The following MAP3K9 variants were observed in gnomAD, a reference collection of about 807,000 sequenced individuals.
The protein encoded by MAP3K9 is mixed lineage kinase 1 (tyr and ser/thr specificity).
Under a neutral mutation model 95.8 loss-of-function variants are expected in MAP3K9, and 46 were observed. The ratio of observed to expected loss-of-function variants is 0.48; its 90% CI spans 0.38 to 0.61. The LOEUF is 0.61. MAP3K9 is among the 20% of genes least tolerant of loss of function. MAP3K9 has a pLI of 0.00. For synonymous variants in MAP3K9, 533 were observed against 593.8 expected (o/e 0.90, Z 1.49); for missense variants, 1,296 against 1,474.3 (o/e 0.88, Z 1.98).
intron 9 of MAP3K9, 127 bp downstream of exon 9, chr14:70,735,834 A>G: frequency 2.6e-6 from 2 of 762,488 alleles, no homozygotes; most frequent in Admixed American, 2.1e-5. Context: ...ACAAAAACAA[A>G]AACAAAAAAG....
chr14:70,729,668 C>T lies in MAP3K9; in HGVS notation c.*712G>A, dbSNP rs886731662. ...CAAGGACATACTTCATGAACCTCTT[C>T]ATTGCAACTTTACTGTATTTTTCCT... On this transcript the variant is annotated 3_prime_UTR_variant, in exon 12 of 12. Coordinates refer to ENST00000554752, the MANE Select transcript of MAP3K9 (RefSeq NM_001284230.2). 8.5e-5 allele frequency: 13 copies of T among 152,300 alleles called. No individual in the cohort carries two copies. Among genetic ancestry groups the T allele is most frequent in the African/African-American group, 2.4e-4 (10 of 41,476 alleles). The allele number at this position is 152,300 out of a possible 1,614,324, so 9.4% of individuals were successfully genotyped here.
rs2053849940 is a variant in MAP3K9, at chr14:70,728,427, A to G, written c.*1953T>C. 1 of 152,166 alleles carries G rather than the reference A, an allele frequency of 6.6e-6. No homozygotes were observed. Among genetic ancestry groups the G allele is most frequent in the African/African-American group, 2.4e-5 (1 of 41,424 alleles). 9.4% of individuals were successfully genotyped at this position (152,166 alleles called of 1,614,324 possible). A position where few individuals can be genotyped will look rare whatever the true frequency, so the allele number is the denominator to read the frequency against. On this transcript the variant is annotated 3_prime_UTR_variant, in exon 12 of 12. Coordinates refer to ENST00000554752, the MANE Select transcript of MAP3K9 (RefSeq NM_001284230.2). ...GCGTGAGCCACCGCGCCCTGTCAGA[A>G]CAAACTTTGTATGTACTTCTCCCCA...
intron 2 of MAP3K9, among the ~76,000 whole-genome samples, chr14:70,797,472 TCACGCCTGTAGTCC>T (rs2054877297): frequency 6.6e-6 from 1 of 152,114 alleles, no homozygotes; most frequent in East Asian, 1.9e-4. Flanking sequence ...GTGCACTGGC[TCACGCCTGTAGTCC>T]CAGAACTTTG....
At chr14:70,758,429 C>A (rs561298049) in intron 3 of MAP3K9, among the ~76,000 whole-genome samples, 1 of 152,178 alleles carries the variant, frequency 6.6e-6, no homozygotes, top group East Asian at 1.9e-4. Context: ...GAAATTGGAA[C>A]ATTCATACAT....
In MAP3K9 at chr14:70,730,206, G is replaced by T. The variant is rs1346768080; in HGVS notation, c.*174C>A. The T allele has an allele frequency of 5.3e-6, 5 of 939,254 alleles. No individual in the cohort carries two copies. Among genetic ancestry groups the T allele is most frequent in the Admixed American group, 5.7e-5 (2 of 34,952 alleles). 58.2% of individuals were successfully genotyped at this position (939,254 alleles called of 1,614,324 possible). On this transcript the variant is annotated 3_prime_UTR_variant, in exon 12 of 12. Transcript: ENST00000554752. Reference sequence around the variant, plus strand: ...GGACACGGGTAGAAAGGCCCTGCAGGGCAGGAGACCCTCTGAAGTGGCCCT... The same window carrying T: ...GGACACGGGTAGAAAGGCCCTGCAGTGCAGGAGACCCTCTGAAGTGGCCCT...
rs1334544265 is a variant in MAP3K9 at position 70,727,569 on chromosome 14, C to G, written c.*2811G>C. 1 of 152,348 alleles carries G rather than the reference C, an allele frequency of 6.6e-6. No individual in the cohort carries two copies. Among genetic ancestry groups the G allele is most frequent in the Non-Finnish European group, 1.5e-5 (1 of 68,158 alleles). 9.4% of individuals were successfully genotyped at this position (152,348 alleles called of 1,614,324 possible). A position where few individuals can be genotyped will look rare whatever the true frequency, so the allele number is the denominator to read the frequency against. On this transcript the variant is annotated 3_prime_UTR_variant, in exon 12 of 12. Coordinates refer to ENST00000554752, the MANE Select transcript of MAP3K9 (RefSeq NM_001284230.2). ...CGACCAGGACCACAGAACAAGGGAA[C>G]CTGAGCGAATAGAAAGCCACTGAGA...
intron 2 of MAP3K9, among the ~76,000 whole-genome samples, chr14:70,775,433 G>A (rs2054585714): frequency 6.6e-6 from 1 of 152,112 alleles, no homozygotes; most frequent in East Asian, 1.9e-4. Context: ...CTCCATTTGG[G>A]GGTCAAATGT....
intron 1 of MAP3K9, among the ~76,000 whole-genome samples, chr14:70,804,685 GAA>G (rs565368168): frequency 3.1e-3 from 443 of 142,512 alleles, no homozygotes; most frequent in African/African-American, 0.011. Flanking sequence ...AGGAGGGATT[GAA>G]AAAATAAATG....
rs1286093311 is a variant in MAP3K9 at position 70,730,451 on chromosome 14, G to A, written c.3244C>T (p.Pro1082Ser). 1.2e-6 allele frequency: 2 copies of A among 1,614,182 alleles called. No individual in the cohort carries two copies. Residue 1082 changes from proline to serine, a missense_variant, in exon 12 of 12, where the codon CCG becomes TCG. Around this residue, in one of 5 missense-constraint regions of MAP3K9, gnomAD observed 433 missense variants for 441.4 expected, o/e 0.98. Transcript: ENST00000554752. ...GTGTTCAGTTCCGCTCTGCACAGCGGCACGGTGCTGTCCTGACTCTGCCCC... is the reference window on the plus strand; with the variant it reads ...GTGTTCAGTTCCGCTCTGCACAGCGACACGGTGCTGTCCTGACTCTGCCCC... ...AEGQSQDSTV[P>S]LCRAELNTHR...
At chr14:70,737,944 T>C (rs2054008037) in intron 8 of MAP3K9, among the ~76,000 whole-genome samples, 1 of 152,192 alleles carries the variant, frequency 6.6e-6, no homozygotes, top group Non-Finnish European at 1.5e-5. Context: ...TTACATGTTG[T>C]CCATGGTCTC....
At chr14:70,759,551 T>G (rs1007662165) in intron 3 of MAP3K9, among the ~76,000 whole-genome samples, 1 of 152,220 alleles carries the variant, frequency 6.6e-6, no homozygotes, top group Non-Finnish European at 1.5e-5. Flanking sequence ...GAATCCTTAT[T>G]TGAGTCATTA....
At chr14:70,798,365 A>G (rs1234071773) in intron 2 of MAP3K9, among the ~76,000 whole-genome samples, 3 of 151,888 alleles carry the variant, frequency 2.0e-5, no homozygotes, top group Admixed American at 6.6e-5. Context: ...AACATGATAA[A>G]AATATTAGAA....
Position 70,809,373 on chromosome 14 carries a change from C to G in MAP3K9, c.-202G>C. ...AGAAGAGCGCCGAGCGCGAGCTCTT[C>G]GCGCAGCCTAGGGGCGCAGCGGGCC... On this transcript the variant is annotated 5_prime_UTR_variant, in exon 1 of 12. Transcript: ENST00000554752. The G allele has an allele frequency of 3.3e-6, 2 of 603,392 alleles. No homozygotes were observed. The highest frequency in any genetic ancestry group is 4.8e-6 in the Non-Finnish European group (2 of 416,548). The allele number at this position is 603,392 out of a possible 1,614,324, so 37.4% of individuals were successfully genotyped here. A position where few individuals can be genotyped will look rare whatever the true frequency, so the allele number is the denominator to read the frequency against.
chr14:70,741,941 C>CT (rs1371687191), intron 6 of MAP3K9, among the ~76,000 whole-genome samples: 3 of 152,166 alleles, frequency 2.0e-5, no homozygotes, highest in Admixed American at 1.3e-4. Context: ...AAGCAAAACT[C>CT]TGTCTCAAAA....
chr14:70,799,761 CAA>C (rs917843542), intron 2 of MAP3K9, among the ~76,000 whole-genome samples: 2 of 152,190 alleles, frequency 1.3e-5, no homozygotes, highest in African/African-American at 4.8e-5. Flanking sequence ...CTGAAGGATG[CAA>C]AGAGAGTGAA....
chr14:70,775,871 A>G (rs1433381512), intron 2 of MAP3K9, among the ~76,000 whole-genome samples: 1 of 152,184 alleles, frequency 6.6e-6, no homozygotes, highest in Non-Finnish European at 1.5e-5. Flanking sequence ...TTATATTTAA[A>G]TGAGAGTGCT....
chr14:70,740,955 G>A (rs1261843817), intron 6 of MAP3K9, among the ~76,000 whole-genome samples: 1 of 152,158 alleles, frequency 6.6e-6, no homozygotes, highest in Non-Finnish European at 1.5e-5. Context: ...GCAGCAAGGG[G>A]ACCAGCAAAC....
intron 2 of MAP3K9, among the ~76,000 whole-genome samples, chr14:70,776,175 C>T (rs1429060021): frequency 6.6e-6 from 1 of 151,968 alleles, no homozygotes; most frequent in Non-Finnish European, 1.5e-5. Flanking sequence ...GGCGACAGAG[C>T]GAGACTCCGT....
intron 2 of MAP3K9, among the ~76,000 whole-genome samples, chr14:70,795,852 G>C (rs550985783): frequency 2.0e-5 from 3 of 151,024 alleles, no homozygotes; most frequent in African/African-American, 7.3e-5. Flanking sequence ...TCTGCCTCCC[G>C]GGTTCAAATG....
Sources: allele counts gnomAD v4.1 joint callset (sites outside exome capture counted in the v4.1 genomes callset), GRCh38; gene constraint gnomAD v4.1.1; regional missense constraint gnomAD v4.1.1; transcripts MANE v1.5; gene names NCBI Gene and HGNC (gene_info 2026-07-23, HGNC 2026-07-21).